The following FHIP1A variants were observed in gnomAD, a reference collection of about 807,000 sequenced individuals.
FHIP1A encodes the protein FHF complex subunit HOOK interacting protein 1A.
Under a neutral mutation model 88.6 loss-of-function variants are expected in FHIP1A, and 61 were observed. That is an observed-to-expected ratio of 0.69 (90% CI 0.56 to 0.85). The LOEUF is 0.85. Among genes scored for constraint, FHIP1A ranks in the 40% least tolerant of loss-of-function variants. FHIP1A has a pLI of 0.00. For synonymous variants in FHIP1A, 478 were observed against 496.0 expected (o/e 0.96, Z 0.48); for missense variants, 1,154 against 1,273.5 (o/e 0.91, Z 1.43).
intron 7 of FHIP1A, among the ~76,000 whole-genome samples, chr4:151,615,789 CA>C (rs1735495870): frequency 1.3e-5 from 2 of 152,048 alleles, no homozygotes; most frequent in Admixed American, 6.5e-5. Flanking sequence ...ACAGTGTGGA[CA>C]GGGGGTTAGT....
At chr4:151,634,589 G>C (rs1736278421) in intron 8 of FHIP1A, among the ~76,000 whole-genome samples, 1 of 151,684 alleles carries the variant, frequency 6.6e-6, no homozygotes, top group Non-Finnish European at 1.5e-5. Context: ...GAATGAAACA[G>C]AAATGAACCG....
At chr4:151,614,462 CTG>C (rs1281365414) in intron 7 of FHIP1A, among the ~76,000 whole-genome samples, 1 of 142,420 alleles carries the variant, frequency 7.0e-6, no homozygotes, top group East Asian at 2.0e-4. Flanking sequence ...GTGTGAGACT[CTG>C]TCTCAAAAAA....
intron 3 of FHIP1A, among the ~76,000 whole-genome samples, chr4:151,558,381 C>T (rs1025367065): frequency 6.6e-6 from 1 of 151,884 alleles, no homozygotes; most frequent in African/African-American, 2.4e-5. Flanking sequence ...ACTAAAAATA[C>T]AAAAATTAGC....
intron 3 of FHIP1A, among the ~76,000 whole-genome samples, chr4:151,558,689 G>A (rs988016808): frequency 1.9e-4 from 29 of 152,122 alleles, no homozygotes; most frequent in African/African-American, 6.8e-4. Flanking sequence ...GACCGATTTC[G>A]TTGTTCCTTA....
intron 3 of FHIP1A, among the ~76,000 whole-genome samples, chr4:151,509,426 A>C (rs1293238383): frequency 1.3e-5 from 2 of 151,950 alleles, no homozygotes; most frequent in African/African-American, 2.4e-5. Flanking sequence ...CAGCCTCCCA[A>C]AGTGCTGGGA....
Position 151,668,740 on chromosome 4 carries a change from T to A in FHIP1A, c.*5986T>A, listed in dbSNP as rs1737754009. Reference sequence around the variant, plus strand: ...GAGCTTTTACTGAATACTCCCTCTGTTAGGTAGCATGCAGAGTGCTAGGGC... The same window carrying A: ...GAGCTTTTACTGAATACTCCCTCTGATAGGTAGCATGCAGAGTGCTAGGGC... On this transcript the variant is annotated 3_prime_UTR_variant, in exon 14 of 14. Coordinates refer to ENST00000435205, the MANE Select transcript of FHIP1A (RefSeq NM_001109977.3). 6.6e-6 allele frequency among the ~76,000 whole-genome samples: 1 copy of A among 152,232 alleles called. No homozygotes were observed. The highest frequency in any genetic ancestry group is 2.4e-5 in the African/African-American group (1 of 41,472).
chr4:151,499,333 G>A (rs1436482558), intron 3 of FHIP1A, among the ~76,000 whole-genome samples: 1 of 151,994 alleles, frequency 6.6e-6, no homozygotes, highest in African/African-American at 2.4e-5. Flanking sequence ...TTTCTTCTCT[G>A]GGCTAAAAAC....
rs17275536 is a variant in FHIP1A at position 151,577,473 on chromosome 4, C to T, written c.129C>T (p.His43=). 0.33 allele frequency: 507,187 copies of T among 1,538,996 alleles called. 84,458 individuals carry two copies. The highest frequency in any genetic ancestry group is 0.34 in the Non-Finnish European group (386,928 of 1,138,298). ...AGGTTGTGAAAATCTTGGAGAAGCA[C>T]GACCCCTTGAAGAACACCCAGGCAA... ...WAQVVKILEK[H]DPLKNTQAKY... is the part of the protein sequence containing the mutation. Residue 43 remains histidine, a synonymous_variant, in exon 5 of 14, where the codon CAC becomes CAT. Coordinates refer to ENST00000435205, the MANE Select transcript of FHIP1A (RefSeq NM_001109977.3).
intron 3 of FHIP1A, among the ~76,000 whole-genome samples, chr4:151,513,186 CAT>C (rs552817337): frequency 1.4e-3 from 219 of 152,280 alleles, no homozygotes; most frequent in African/African-American, 5.1e-3. Flanking sequence ...CCCAGAATTT[CAT>C]ATCCAGCCAA....
intron 1 of FHIP1A, among the ~76,000 whole-genome samples, chr4:151,453,660 G>A (rs1033204396): frequency 1.3e-5 from 2 of 152,126 alleles, no homozygotes; most frequent in African/African-American, 4.8e-5. Flanking sequence ...AGACCAGCTC[G>A]ACCAACATGG....
chr4:151,612,767 G>C (rs942649188), intron 7 of FHIP1A, among the ~76,000 whole-genome samples: 6 of 152,170 alleles, frequency 3.9e-5, no homozygotes, highest in Admixed American at 1.3e-4. Flanking sequence ...TCTAAGAAGA[G>C]GCTCTCAGGC....
chr4:151,576,156 G>T (rs1733783224), intron 4 of FHIP1A, among the ~76,000 whole-genome samples: 1 of 152,204 alleles, frequency 6.6e-6, no homozygotes. Context: ...GTAAGTATCT[G>T]TTGGCAGAGA....
intron 8 of FHIP1A, among the ~76,000 whole-genome samples, chr4:151,638,315 T>TTGTGTGTGTGTGTGTGTGTG (rs146664249): frequency 0.01 from 1,485 of 143,756 alleles, 13 homozygotes; most frequent in Middle Eastern, 0.022. Flanking sequence ...AAATAGGAGA[T>TTGTGTGTGTGTGTGTGTGTG]TGTGTGTGTG....
chr4:151,592,645 G>A (rs1734483557), intron 7 of FHIP1A, among the ~76,000 whole-genome samples: 1 of 152,094 alleles, frequency 6.6e-6, no homozygotes, highest in African/African-American at 2.4e-5. Context: ...TAAGTTCCTT[G>A]TAGATTCTGG....
chr4:151,669,336 G>A lies in FHIP1A; in HGVS notation c.*6582G>A, dbSNP rs1455071621. Among the ~76,000 whole-genome samples the A allele has an allele frequency of 6.6e-6, 1 of 152,188 alleles. No individual in the cohort carries two copies. The highest frequency in any genetic ancestry group is 1.9e-4 in the East Asian group (1 of 5,196). On this transcript the variant is annotated 3_prime_UTR_variant, in exon 14 of 14. Transcript: ENST00000435205. ...CTTTAACAAGGGCATCTTCCTCTGG[G>A]AATAATCAGTCCTTAATACAGTTTG...
chr4:151,644,864 G>C (rs779984270), intron 9 of FHIP1A, among the ~76,000 whole-genome samples: 1 of 152,094 alleles, frequency 6.6e-6, no homozygotes, highest in Non-Finnish European at 1.5e-5. Context: ...TGCCCACTGG[G>C]GTCCAGCTAT....
intron 7 of FHIP1A, among the ~76,000 whole-genome samples, chr4:151,589,594 G>A (rs1734347709): frequency 6.6e-6 from 1 of 152,122 alleles, no homozygotes; most frequent in Non-Finnish European, 1.5e-5. Flanking sequence ...GGGGATCTTT[G>A]TCAAGATTTT....
chr4:151,543,958 G>T (rs532580236), intron 3 of FHIP1A, among the ~76,000 whole-genome samples: 1 of 152,308 alleles, frequency 6.6e-6, no homozygotes, highest in East Asian at 1.9e-4. Flanking sequence ...GGCACTGATT[G>T]ATTGTGAAAA....
At chr4:151,574,478 CTT>C (rs771683701) in intron 4 of FHIP1A, among the ~76,000 whole-genome samples, 16 of 151,956 alleles carry the variant, frequency 1.1e-4, no homozygotes, top group East Asian at 1.9e-4. Context: ...TGTAAATAGA[CTT>C]TTGCTGTATC....
Sources: gnomAD v4.1 joint callset for allele counts (sites outside exome capture counted in the v4.1 genomes callset) on GRCh38, gnomAD v4.1.1 for gene constraint, MANE v1.5 for transcripts, NCBI Gene and HGNC (gene_info 2026-07-23, HGNC 2026-07-21) for gene names.